The following TCF7L2 variants were observed in gnomAD, a reference collection of about 807,000 sequenced individuals.
TCF7L2 encodes the protein transcription factor 7-like 2.
Under a neutral mutation model 77.9 loss-of-function variants are expected in TCF7L2, and 23 were observed. The observed-to-expected ratio is 0.30, with a 90% CI of 0.21 to 0.42. TCF7L2 has a LOEUF of 0.42. TCF7L2 is among the 10% of genes least tolerant of loss of function. The pLI is 1.00. For missense variants in TCF7L2, 654 were observed against 793.1 expected, an observed-to-expected ratio of 0.82 and a Z score of 2.11; for synonymous variants, 413 against 340.2, an observed-to-expected ratio of 1.21 and a Z score of -2.36.
intron 3 of TCF7L2, among the ~76,000 whole-genome samples, chr10:112,952,117 G>T (rs2031807596): frequency 6.6e-6 from 1 of 152,170 alleles, no homozygotes; most frequent in Admixed American, 6.5e-5. Flanking sequence ...TGCTGCGCCC[G>T]ATGCGCGGGG....
At chr10:113,149,973 G>A (rs994649959) in intron 8 of TCF7L2, among the ~76,000 whole-genome samples, 48 of 152,254 alleles carry the variant, frequency 3.2e-4, no homozygotes, top group African/African-American at 1.1e-3. Context: ...GTGACACCAC[G>A]CAAAATTGAA....
Position 113,162,005 on chromosome 10 carries a change from C to CT in TCF7L2, c.1391+1316dup, listed in dbSNP as rs2073241015. Among the ~76,000 whole-genome samples the CT allele has an allele frequency of 3.3e-5, 5 of 152,322 alleles. No individual in the cohort carries two copies. The South Asian group carries it at 1.0e-3, about 32-fold the overall frequency. ...TGTCCCTTTGACACAGTCCTGGGGTCTTCTCTGCACAACAGAAAGGAGTTT... is the reference window on the plus strand; with the variant it reads ...TGTCCCTTTGACACAGTCCTGGGGTCTTTCTCTGCACAACAGAAAGGAGTTT... On this transcript the variant is annotated intron_variant, in intron 13 of 13. Transcript: ENST00000627217.
chr10:113,159,889 C>A, intron 12 of TCF7L2, 31 bp from the exon 14 acceptor site: 1 of 1,301,860 alleles, frequency 7.7e-7, no homozygotes, highest in Non-Finnish European at 1.0e-6. Context: ...CGTTCTCCTC[C>A]TCTGCTCGCT....
intron 7 of TCF7L2, among the ~76,000 whole-genome samples, chr10:113,144,446 G>A (rs921488600): frequency 3.3e-5 from 5 of 152,038 alleles, no homozygotes; most frequent in African/African-American, 1.2e-4. Flanking sequence ...CTCCATTTTA[G>A]GTGTTACATA....
rs2074040922 is a variant in TCF7L2 at position 113,166,389 on chromosome 10, C to T, written c.*417C>T. 1 of 227,996 alleles carries T rather than the reference C, an allele frequency of 4.4e-6. No individual in the cohort carries two copies. Among genetic ancestry groups the T allele is most frequent in the Non-Finnish European group, 8.6e-6 (1 of 116,156 alleles). 14.1% of individuals were successfully genotyped at this position (227,996 alleles called of 1,614,324 possible). A position where few individuals can be genotyped will look rare whatever the true frequency, so the allele number is the denominator to read the frequency against. The stretch of plus-strand genomic sequence containing the variant: ...ATTATTTGTATTAAATACGAGCTTG[C>T]GAACCAATCATTTTACATCTGGTTT... On this transcript the variant is annotated 3_prime_UTR_variant, in exon 14 of 14. Coordinates refer to ENST00000627217, the MANE Select transcript of TCF7L2 (RefSeq NM_001146274.2).
chr10:113,090,485 G>A (rs1274625916), intron 5 of TCF7L2, among the ~76,000 whole-genome samples: 2 of 152,208 alleles, frequency 1.3e-5, no homozygotes, highest in Admixed American at 6.5e-5. Context: ...GAGACAAAAT[G>A]TGGAATAAGT....
chr10:113,002,323 C>T (rs539988526), intron 4 of TCF7L2, among the ~76,000 whole-genome samples: 93 of 152,076 alleles, frequency 6.1e-4, no homozygotes, highest in Non-Finnish European at 1.2e-3. Context: ...TTTAGGTCGG[C>T]GGTTTTCAAA....
chr10:113,068,704 A>C (rs1001055660), intron 5 of TCF7L2, among the ~76,000 whole-genome samples: 1 of 151,996 alleles, frequency 6.6e-6, no homozygotes, highest in African/African-American at 2.4e-5. Context: ...AGGCTCAGCC[A>C]TGATGTGCTT....
chr10:113,034,606 T>C lies in TCF7L2; in HGVS notation c.451-5419T>C, dbSNP rs2050813622. On this transcript the variant is annotated intron_variant, in intron 4 of 13. Transcript: ENST00000627217. ...ATCATGAGGATAGTAACCAATTAAT[T>C]CGATTTTTTTGGTCAGACATGGCTC... Among the ~76,000 whole-genome samples, 4 of 152,166 alleles carry C rather than the reference T, an allele frequency of 2.6e-5. No individual in the cohort carries two copies. The South Asian group carries it at 8.3e-4, about 32-fold the overall frequency.
At chr10:113,075,857 AG>A (rs1192900512) in intron 5 of TCF7L2, among the ~76,000 whole-genome samples, 5 of 152,286 alleles carry the variant, frequency 3.3e-5, no homozygotes, top group Non-Finnish European at 5.9e-5. Context: ...TTTTAAAGAC[AG>A]GATCTTACAG....
intron 5 of TCF7L2, among the ~76,000 whole-genome samples, chr10:113,090,717 C>T (rs937238947): frequency 4.6e-5 from 7 of 152,202 alleles, no homozygotes; most frequent in South Asian, 2.1e-4. Flanking sequence ...TCAAGCGATT[C>T]GCCTGCCTCA....
Position 113,166,421 on chromosome 10 carries a change from C to T in TCF7L2, c.*449C>T, listed in dbSNP as rs1592556058. 4.5e-6 allele frequency: 1 copy of T among 223,562 alleles called. No individual in the cohort carries two copies. Among genetic ancestry groups the T allele is most frequent in the Admixed American group, 5.9e-5 (1 of 17,064 alleles). The allele number at this position is 223,562 out of a possible 1,614,324, so 13.8% of individuals were successfully genotyped here. A position where few individuals can be genotyped will look rare whatever the true frequency, so the allele number is the denominator to read the frequency against. ...ATCATTTTACATCTGGTTTTTAAAC[C>T]GTAAGGGCACCATGAATGCAGTGCC... On this transcript the variant is annotated 3_prime_UTR_variant, in exon 14 of 14. Transcript: ENST00000627217.
Position 113,117,432 on chromosome 10 carries a change from TCCC to T in TCF7L2, c.553-23751_553-23749del, listed in dbSNP as rs1564916581. Among the ~76,000 whole-genome samples the T allele has an allele frequency of 2.3e-3, 76 of 32,448 alleles. 12 individuals are homozygous for T. The highest frequency in any genetic ancestry group is 0.01 in the African/African-American group (73 of 7,242). The allele number at this position is 32,448 out of a possible 152,430, so 21.3% of individuals were successfully genotyped here. A position where few individuals can be genotyped will look rare whatever the true frequency, so the allele number is the denominator to read the frequency against. ...CTCTCTCTCTCTCTCTCTCTCTCTC[TCCC>T]TCTCTCTCTCTCTCTCTCTCTCTTC... On this transcript the variant is annotated intron_variant, in intron 5 of 13. Transcript: ENST00000627217.
intron 5 of TCF7L2, among the ~76,000 whole-genome samples, chr10:113,075,996 C>T (rs764458511): frequency 2.6e-5 from 4 of 151,712 alleles, no homozygotes; most frequent in South Asian, 4.2e-4. Context: ...ATTAGCCAGG[C>T]GTGGTGGCAC....
chr10:113,065,695 GCTTT>G (rs1253697366), intron 5 of TCF7L2, among the ~76,000 whole-genome samples: 1 of 152,084 alleles, frequency 6.6e-6, no homozygotes, highest in Non-Finnish European at 1.5e-5. Context: ...CTGCCTCCTT[GCTTT>G]ATCAGCTTGA....
chr10:113,122,174 C>A (rs1299271042), intron 5 of TCF7L2, among the ~76,000 whole-genome samples: 1 of 152,208 alleles, frequency 6.6e-6, no homozygotes, highest in African/African-American at 2.4e-5. Context: ...TTCTGACATT[C>A]TAGTTTATAC....
chr10:113,010,045 C>G (rs1261056230), intron 4 of TCF7L2, among the ~76,000 whole-genome samples: 5 of 151,822 alleles, frequency 3.3e-5, no homozygotes, highest in Admixed American at 6.6e-5. Context: ...ATCTAGTTGG[C>G]TGGAACACAC....
intron 12 of TCF7L2, among the ~76,000 whole-genome samples, chr10:113,159,289 C>G (rs575200583): frequency 6.6e-6 from 1 of 152,134 alleles, no homozygotes; most frequent in African/African-American, 2.4e-5. Flanking sequence ...AGCCTGTTTA[C>G]CTTTATCTTT....
intron 5 of TCF7L2, among the ~76,000 whole-genome samples, chr10:113,123,641 GA>G (rs1250698151): frequency 2.6e-5 from 4 of 152,164 alleles, no homozygotes; most frequent in African/African-American, 9.7e-5. Context: ...GGATTACGTT[GA>G]TTTTTTTTAA....
Sources: allele counts gnomAD v4.1 joint callset (sites outside exome capture counted in the v4.1 genomes callset), GRCh38; gene constraint gnomAD v4.1.1; transcripts MANE v1.5; gene names NCBI Gene and HGNC (gene_info 2026-07-23, HGNC 2026-07-21).